The following MYO5B variants were observed in gnomAD, a reference collection of about 807,000 sequenced individuals.
MYO5B encodes the protein unconventional myosin-Vb.
MYO5B carries 143 observed loss-of-function variants against 229.3 expected under a neutral mutation model. That is an observed-to-expected ratio of 0.62 (90% CI 0.54 to 0.72). MYO5B has a LOEUF of 0.72. Ranked by LOEUF, MYO5B falls within the 30% of genes least tolerant of loss-of-function variation. The probability of loss-of-function intolerance (pLI) is 0.00; values close to 1 mark genes in which losing one functional copy is unlikely to be tolerated. For synonymous variants in MYO5B, 918 were observed against 885.2 expected (o/e 1.04, Z -0.66); for missense variants, 2,321 against 2,331.0 (o/e 1.00, Z 0.09).
chr18:50,035,450 T>C (rs1043312509), intron 4 of MYO5B, among the ~76,000 whole-genome samples: 5 of 151,792 alleles, frequency 3.3e-5, no homozygotes, highest in Non-Finnish European at 7.4e-5. Flanking sequence ...ATGAAGTGCA[T>C]GTAGACTCAG....
intron 1 of MYO5B, among the ~76,000 whole-genome samples, chr18:50,058,379 A>AG (rs2030604078): frequency 6.6e-6 from 1 of 152,216 alleles, no homozygotes; most frequent in African/African-American, 2.4e-5. Flanking sequence ...CTGAGGCATG[A>AG]GGGTCCCTGG....
At chr18:49,836,124 T>G (rs2144029800) in intron 38 of MYO5B, among the ~76,000 whole-genome samples, 1 of 152,280 alleles carries the variant, frequency 6.6e-6, no homozygotes, top group East Asian at 1.9e-4. Context: ...TGTACTGAGT[T>G]TGGATTTTGT....
At chr18:50,127,876 A>G (rs1036129228) in intron 1 of MYO5B, among the ~76,000 whole-genome samples, 4 of 152,224 alleles carry the variant, frequency 2.6e-5, no homozygotes, top group Non-Finnish European at 5.9e-5. Flanking sequence ...AATTAGAACA[A>G]AAAGTCTGGG....
chr18:50,119,990 C>G (rs1028129793), intron 1 of MYO5B, among the ~76,000 whole-genome samples: 1 of 147,554 alleles, frequency 6.8e-6, no homozygotes, highest in Non-Finnish European at 1.5e-5. Flanking sequence ...TCCCTGGGAA[C>G]ATATTTAAAA....
At chr18:50,068,705 G>A (rs550375763) in intron 1 of MYO5B, among the ~76,000 whole-genome samples, 4 of 152,284 alleles carry the variant, frequency 2.6e-5, no homozygotes, top group South Asian at 4.1e-4. Flanking sequence ...AAGAAGTGTG[G>A]CTCTGGTCAA....
intron 1 of MYO5B, among the ~76,000 whole-genome samples, chr18:50,151,977 C>T (rs536983781): frequency 6.6e-6 from 1 of 152,296 alleles, no homozygotes; most frequent in Admixed American, 6.5e-5. Context: ...ACATCCGCCC[C>T]GTTCAGATCC....
chr18:49,857,305 T>C (rs756744418), intron 29 of MYO5B, among the ~76,000 whole-genome samples: 11 of 152,102 alleles, frequency 7.2e-5, no homozygotes, highest in African/African-American at 2.7e-4. Context: ...CAGGGAGAGA[T>C]GCAAAAGGGG....
Position 50,194,891 on chromosome 18 carries a change from G to A in MYO5B, c.-98C>T, listed in dbSNP as rs111999307. ...TGGCGCCATGTTCCCGGGCTGGCCT[G>A]GAGTTTCTCGATCTTCTCGCTCTTC... On this transcript the variant is annotated 5_prime_UTR_variant, in exon 1 of 40. Transcript: ENST00000285039. 0.065 allele frequency: 79,303 copies of A among 1,224,778 alleles called. 3,416 individuals are homozygous for A. Among genetic ancestry groups the A allele is most frequent in the African/African-American group, 0.21 (13,241 of 63,576 alleles). 75.9% of individuals were successfully genotyped at this position (1,224,778 alleles called of 1,614,324 possible). A position where few individuals can be genotyped will look rare whatever the true frequency, so the allele number is the denominator to read the frequency against.
At chr18:49,867,073 AG>A (rs1252716641) in intron 27 of MYO5B, among the ~76,000 whole-genome samples, 5 of 152,138 alleles carry the variant, frequency 3.3e-5, no homozygotes, top group Non-Finnish European at 5.9e-5. Context: ...AATCCAGGGA[AG>A]GAAGCTGGAT....
chr18:50,085,746 T>G (rs1303675626), intron 1 of MYO5B, among the ~76,000 whole-genome samples: 3 of 152,126 alleles, frequency 2.0e-5, no homozygotes, highest in Non-Finnish European at 4.4e-5. Flanking sequence ...TAAAAAATGA[T>G]GAGTTCATGT....
intron 14 of MYO5B, among the ~76,000 whole-genome samples, chr18:49,937,606 G>A (rs1183054662): frequency 1.3e-5 from 2 of 152,236 alleles, no homozygotes; most frequent in East Asian, 3.9e-4. Flanking sequence ...ACAAACAAAT[G>A]TGGTACCTCC....
At chr18:49,943,956 T>TG (rs1216787426) in intron 14 of MYO5B, among the ~76,000 whole-genome samples, 2 of 152,104 alleles carry the variant, frequency 1.3e-5, no homozygotes, top group African/African-American at 4.8e-5. Flanking sequence ...GTGGAAGTAA[T>TG]GGCACCTATG....
In MYO5B at chr18:49,839,160, C is replaced by A; in HGVS notation, c.4836G>T (p.Val1612=). 1.2e-6 allele frequency: 2 copies of A among 1,613,730 alleles called. No homozygotes were observed. Among genetic ancestry groups the A allele is most frequent in the Non-Finnish European group, 1.7e-6 (2 of 1,180,034 alleles). Reference sequence around the variant, plus strand: ...CCAGCTTACCTATCATCGGCTGTAACACGCCCTCGGCAATTTTAATGAGCT... The same window carrying A: ...CCAGCTTACCTATCATCGGCTGTAAAACGCCCTCGGCAATTTTAATGAGCT... ...YQQLIKIAEG[V]LQPMIVSAML... Residue 1612 remains valine (V), a synonymous_variant, in exon 36 of 40, where the codon GTG becomes GTT. Transcript: ENST00000285039.
At chr18:49,837,086 T>C (rs773935108) in intron 37 of MYO5B, among the ~76,000 whole-genome samples, 3 of 152,156 alleles carry the variant, frequency 2.0e-5, no homozygotes, top group Non-Finnish European at 4.4e-5. Flanking sequence ...GTACTTAAAA[T>C]CAAGCAAAGA....
chr18:49,962,837 A>G, intron 11 of MYO5B, 112 bp downstream of exon 11: 1 of 918,172 alleles, frequency 1.1e-6, no homozygotes, highest in Non-Finnish European at 1.8e-6. Flanking sequence ...ACCAAGGGAT[A>G]TCAGAACGTA....
At chr18:50,097,241 C>T (rs1477186375) in intron 1 of MYO5B, 1 of 456,720 alleles carries the variant, frequency 2.2e-6, no homozygotes, top group South Asian at 1.5e-5. Flanking sequence ...GAATTGATCT[C>T]ACCTCTCTTG....
intron 4 of MYO5B, among the ~76,000 whole-genome samples, chr18:50,023,632 A>G (rs2026300493): frequency 6.6e-6 from 1 of 152,214 alleles, no homozygotes; most frequent in Non-Finnish European, 1.5e-5. Context: ...AAACTATCAC[A>G]TGAAGAATGC....
intron 1 of MYO5B, among the ~76,000 whole-genome samples, chr18:50,125,519 ATAG>A (rs2032147624): frequency 1.3e-5 from 2 of 152,192 alleles, no homozygotes; most frequent in Non-Finnish European, 2.9e-5. Context: ...TTAAAGTATA[ATAG>A]TAATAATAAT....
At chr18:49,833,546 T>C (rs1388488648) in intron 39 of MYO5B, among the ~76,000 whole-genome samples, 1 of 152,248 alleles carries the variant, frequency 6.6e-6, no homozygotes, top group Non-Finnish European at 1.5e-5. Context: ...GGGCTTAACC[T>C]CCATTATATT....
Sources: allele counts gnomAD v4.1 joint callset (sites outside exome capture counted in the v4.1 genomes callset), GRCh38; gene constraint gnomAD v4.1.1; transcripts MANE v1.5; gene names NCBI Gene and HGNC (gene_info 2026-07-23, HGNC 2026-07-21).